Variants in OPCML observed in about 807,000 individuals in gnomAD.
The protein encoded by OPCML is opioid binding protein/cell adhesion molecule like.
In OPCML, 13 loss-of-function variants were observed where a neutral mutation model predicts 37.8. The observed-to-expected ratio is 0.34, with a 90% confidence interval of 0.22 to 0.55. The LOEUF is 0.55. Ranked by LOEUF, OPCML falls within the 20% of genes least tolerant of loss-of-function variation. The pLI is 0.91. For missense variants in OPCML, 341 were observed against 435.6 expected (o/e 0.78, Z 1.93); for synonymous variants, 176 against 168.8 (o/e 1.04, Z -0.33).
intron 1 of OPCML, among the ~76,000 whole-genome samples, chr11:133,480,307 C>T (rs1244485235): frequency 6.6e-6 from 1 of 152,208 alleles, no homozygotes; most frequent in African/African-American, 2.4e-5. Context: ...GATGAGGAAA[C>T]TGTGGTCCGG....
At position 132,436,082 on chromosome 11, in the gene OPCML, T is replaced by C; in HGVS notation, c.916+4A>G. ...CCCACTGCATCCAGGCTTCCAGCAC[T>C]CACCATACAATGTGATGCTGGCATT... is the stretch of plus-strand genomic sequence containing the variant. On this transcript the variant is annotated splice_donor_region_variant and intron_variant, in intron 7 of 7. Coordinates refer to ENST00000524381, the MANE Select transcript of OPCML (RefSeq NM_001012393.5). 1 of 1,612,448 alleles carries C rather than the reference T, an allele frequency of 6.2e-7. No homozygotes were observed. The highest frequency in any genetic ancestry group is 1.1e-5 in the South Asian group (1 of 90,840).
chr11:133,125,685 T>C (rs1259174960), intron 1 of OPCML, among the ~76,000 whole-genome samples: 1 of 27,750 alleles, frequency 3.6e-5, no homozygotes, highest in African/African-American at 1.1e-4. Context: ...TATATGTATA[T>C]AGTATATATA....
chr11:132,554,422 A>C (rs553666782), intron 3 of OPCML, among the ~76,000 whole-genome samples: 3 of 152,308 alleles, frequency 2.0e-5, no homozygotes, highest in Middle Eastern at 3.4e-3. Context: ...GCAGGAGAAA[A>C]TGAAACCATT....
At chr11:133,483,290 G>A (rs181384387) in intron 1 of OPCML, among the ~76,000 whole-genome samples, 11 of 136,854 alleles carry the variant, frequency 8.0e-5, no homozygotes, top group Admixed American at 2.9e-4. Flanking sequence ...TTGGAAATGC[G>A]CACTAGAGCT....
chr11:132,946,033 C>T (rs968762880), intron 1 of OPCML, among the ~76,000 whole-genome samples: 7 of 152,298 alleles, frequency 4.6e-5, no homozygotes, highest in East Asian at 3.9e-4. Flanking sequence ...CCACCCGCCT[C>T]GGCCTCCCAA....
intron 1 of OPCML, among the ~76,000 whole-genome samples, chr11:133,116,952 A>C (rs889176521): frequency 6.6e-6 from 1 of 152,070 alleles, no homozygotes; most frequent in Non-Finnish European, 1.5e-5. Context: ...CTACATTGTT[A>C]GTTGGAATTA....
intron 4 of OPCML, among the ~76,000 whole-genome samples, chr11:132,523,852 G>A (rs1167420214): frequency 6.6e-6 from 1 of 152,144 alleles, no homozygotes; most frequent in Non-Finnish European, 1.5e-5. Context: ...AGTCAGCTTT[G>A]GTTACCTGGA....
rs1555161997 is a variant in OPCML at position 133,458,581 on chromosome 11, G to GTA, written c.61+73681_61+73682dup. 2.2e-3 allele frequency among the ~76,000 whole-genome samples: 211 copies of GTA among 95,754 alleles called. 28 individuals are homozygous for GTA. Among genetic ancestry groups the GTA allele is most frequent in the African/African-American group, 0.01 (58 of 5,644 alleles). 62.8% of individuals were successfully genotyped at this position (95,754 alleles called of 152,430 possible). A position where few individuals can be genotyped will look rare whatever the true frequency, so the allele number is the denominator to read the frequency against. On this transcript the variant is annotated intron_variant, in intron 1 of 7. Transcript: ENST00000524381. ...TGTATACACATATATACACGTGTGTGTACACATATATACACGTGTGTGTGT... is the reference window on the plus strand; with the variant it reads ...TGTATACACATATATACACGTGTGTGTATACACATATATACACGTGTGTGTGT...
chr11:133,233,107 G>A (rs1200631192), intron 1 of OPCML, among the ~76,000 whole-genome samples: 1 of 152,156 alleles, frequency 6.6e-6, no homozygotes, highest in South Asian at 2.1e-4. Flanking sequence ...ACATGTAGCA[G>A]CTAAGCTTAT....
At chr11:133,151,761 G>A (rs1009465327) in intron 1 of OPCML, among the ~76,000 whole-genome samples, 4 of 152,254 alleles carry the variant, frequency 2.6e-5, no homozygotes, top group South Asian at 2.1e-4. Context: ...AGGGCTTCTC[G>A]AGAGAAGAGC....
At chr11:132,750,425 C>G (rs1484077121) in intron 2 of OPCML, among the ~76,000 whole-genome samples, 1 of 152,098 alleles carries the variant, frequency 6.6e-6, no homozygotes, top group African/African-American at 2.4e-5. Context: ...CAGGTGGAGG[C>G]TCAATCTATA....
chr11:132,935,773 T>C (rs577585711), intron 2 of OPCML, among the ~76,000 whole-genome samples: 4 of 152,320 alleles, frequency 2.6e-5, no homozygotes, highest in East Asian at 1.9e-4. Flanking sequence ...GGGAGGATAA[T>C]GGAGTGACGT....
At chr11:132,657,377 G>T (rs1304448912) in intron 2 of OPCML, 58 bp from the exon 3 acceptor site, 1 of 1,579,472 alleles carries the variant, frequency 6.3e-7, no homozygotes, top group African/African-American at 1.3e-5. Flanking sequence ...AGAGTGGAGA[G>T]ATTATATAAT....
chr11:133,109,455 A>C (rs533897214), intron 1 of OPCML, among the ~76,000 whole-genome samples: 4 of 152,168 alleles, frequency 2.6e-5, no homozygotes, highest in African/African-American at 9.6e-5. Flanking sequence ...GGCTACTTTT[A>C]GGATCCTGAT....
chr11:133,422,615 C>A (rs1945915740), intron 1 of OPCML: 1 of 962,584 alleles, frequency 1.0e-6, no homozygotes, highest in African/African-American at 1.8e-5. Context: ...CCGCAGCCTC[C>A]CGAGTAGTTG....
chr11:132,764,952 C>T (rs1195820718), intron 2 of OPCML, among the ~76,000 whole-genome samples: 1 of 152,242 alleles, frequency 6.6e-6, no homozygotes, highest in Admixed American at 6.5e-5. Flanking sequence ...CAGAGCCTCA[C>T]GCCTGCCTCT....
At chr11:132,784,031 A>G (rs1443620734) in intron 2 of OPCML, among the ~76,000 whole-genome samples, 1 of 152,236 alleles carries the variant, frequency 6.6e-6, no homozygotes, top group Non-Finnish European at 1.5e-5. Flanking sequence ...AACAATTAAT[A>G]CAATAGTATC....
intron 3 of OPCML, among the ~76,000 whole-genome samples, chr11:132,629,804 G>T (rs957004375): frequency 1.3e-5 from 2 of 151,986 alleles, no homozygotes; most frequent in Non-Finnish European, 2.9e-5. Context: ...ATGTCAAGCA[G>T]ATAATTAACA....
rs2095939030 is a variant in OPCML, at chr11:132,416,477, C to T, written c.*3716G>A. ...TTTTCTCATGGAATAGTTCTTTCAG[C>T]ATAAATAGAACTTGCTGACTTCTCT... On this transcript the variant is annotated 3_prime_UTR_variant, in exon 8 of 8. Coordinates refer to ENST00000524381, the MANE Select transcript of OPCML (RefSeq NM_001012393.5). 6.6e-6 allele frequency: 1 copy of T among 152,208 alleles called. No homozygotes were observed. The highest frequency in any genetic ancestry group is 2.4e-5 in the African/African-American group (1 of 41,446). 9.4% of individuals were successfully genotyped at this position (152,208 alleles called of 1,614,324 possible). A position where few individuals can be genotyped will look rare whatever the true frequency, so the allele number is the denominator to read the frequency against.
Sources: allele counts gnomAD v4.1 joint callset (sites outside exome capture counted in the v4.1 genomes callset), GRCh38; gene constraint gnomAD v4.1.1; transcripts MANE v1.5; gene names NCBI Gene and HGNC (gene_info 2026-07-23, HGNC 2026-07-21).